GTF2F2: variants seen among roughly 807,000 people sequenced by gnomAD.
The protein encoded by GTF2F2 is ATP-dependent helicase GTF2F2.
In GTF2F2, 23 loss-of-function variants were observed where a neutral mutation model predicts 42.2. The observed-to-expected ratio is 0.55, with a 90% CI of 0.39 to 0.77. GTF2F2 has a LOEUF of 0.77. GTF2F2 is among the 30% of genes least tolerant of loss of function. GTF2F2 has a pLI of 0.00. For synonymous variants in GTF2F2, 105 were observed against 100.8 expected, an observed-to-expected ratio of 1.04 and a Z score of -0.25; for missense variants, 261 against 287.2, an observed-to-expected ratio of 0.91 and a Z score of 0.66.
rs183140327 is a variant in GTF2F2, at chr13:45,275,615, C to G, written c.631-7827C>G. ...ATGGTTTCCAGCTTCATCCATGTCC[C>G]TACAAAGGACATGAACTCATCCTTT... On this transcript the variant is annotated intron_variant, in intron 7 of 7. Coordinates refer to ENST00000340473, the MANE Select transcript of GTF2F2 (RefSeq NM_004128.3). Among the ~76,000 whole-genome samples, 334 of 152,134 alleles carry G rather than the reference C, an allele frequency of 2.2e-3. 1 individual carries two copies. Among genetic ancestry groups the G allele is most frequent in the African/African-American group, 7.8e-3 (323 of 41,496 alleles).
intron 5 of GTF2F2, among the ~76,000 whole-genome samples, chr13:45,210,428 C>T (rs1323643593): frequency 6.6e-6 from 1 of 152,118 alleles, no homozygotes; most frequent in Non-Finnish European, 1.5e-5. Context: ...TGTCTCTTCT[C>T]AAAATACCAC....
intron 4 of GTF2F2, among the ~76,000 whole-genome samples, chr13:45,178,440 T>TA (rs1335609314): frequency 2.0e-5 from 3 of 150,538 alleles, no homozygotes; most frequent in Admixed American, 2.0e-4. Flanking sequence ...TTTTTTTTTT[T>TA]AATCACAGTC....
At chr13:45,163,460 C>T (rs1474961426) in intron 4 of GTF2F2, among the ~76,000 whole-genome samples, 2 of 151,970 alleles carry the variant, frequency 1.3e-5, no homozygotes, top group South Asian at 2.1e-4. Flanking sequence ...TGCTTGAACC[C>T]AGGAGGCGGA....
intron 7 of GTF2F2, among the ~76,000 whole-genome samples, chr13:45,280,670 A>G (rs1877224761): frequency 1.3e-5 from 2 of 152,248 alleles, no homozygotes; most frequent in Admixed American, 6.5e-5. Flanking sequence ...CATATGTTCT[A>G]CTAGATTGCC....
chr13:45,167,939 A>T (rs1871376288), intron 4 of GTF2F2, among the ~76,000 whole-genome samples: 2 of 152,218 alleles, frequency 1.3e-5, no homozygotes, highest in Non-Finnish European at 2.9e-5. Flanking sequence ...AGAGGGAAAA[A>T]AAAGTACACC....
At chr13:45,203,745 A>G (rs1873307999) in intron 4 of GTF2F2, among the ~76,000 whole-genome samples, 1 of 152,220 alleles carries the variant, frequency 6.6e-6, no homozygotes, top group Non-Finnish European at 1.5e-5. Flanking sequence ...ATTACCCACT[A>G]GTATATAGTG....
At chr13:45,205,340 A>G (rs1233777768) in intron 4 of GTF2F2, among the ~76,000 whole-genome samples, 3 of 152,202 alleles carry the variant, frequency 2.0e-5, no homozygotes, top group South Asian at 4.1e-4. Flanking sequence ...CGAGAACAGC[A>G]TAGGGGGAAC....
chr13:45,163,591 A>G (rs1211209112), intron 4 of GTF2F2, among the ~76,000 whole-genome samples: 1 of 152,234 alleles, frequency 6.6e-6, no homozygotes, highest in African/African-American at 2.4e-5. Flanking sequence ...TAAGTAATTG[A>G]AACAATTGTA....
At chr13:45,163,718 T>G (rs1437253135) in intron 4 of GTF2F2, among the ~76,000 whole-genome samples, 1 of 152,226 alleles carries the variant, frequency 6.6e-6, no homozygotes, top group Non-Finnish European at 1.5e-5. Context: ...TCTCTAGTTC[T>G]TTGAGCATAA....
At chr13:45,253,019 T>C in intron 6 of GTF2F2, 49 bp downstream of exon 6, 1 of 809,986 alleles carries the variant, frequency 1.2e-6, no homozygotes, top group Non-Finnish European at 1.9e-6. Flanking sequence ...TTCATTCTTT[T>C]CTGTATCATA....
At chr13:45,221,477 C>A (rs1874113485) in intron 5 of GTF2F2, among the ~76,000 whole-genome samples, 1 of 152,100 alleles carries the variant, frequency 6.6e-6, no homozygotes, top group Non-Finnish European at 1.5e-5. Context: ...AACCAAAAAC[C>A]ATCTGTACCC....
At chr13:45,127,646 T>C (rs7982074) in intron 1 of GTF2F2, among the ~76,000 whole-genome samples, 1,815 of 152,192 alleles carry the variant, frequency 0.012, 31 homozygotes, top group African/African-American at 0.041. Flanking sequence ...TTGTTTTTTT[T>C]TGGAGACGGA....
intron 6 of GTF2F2, among the ~76,000 whole-genome samples, chr13:45,259,154 C>T (rs1259795162): frequency 6.6e-6 from 1 of 152,062 alleles, no homozygotes; most frequent in Non-Finnish European, 1.5e-5. Flanking sequence ...AGGCCGGGTG[C>T]GGTGGCTCAC....
At chr13:45,193,738 C>G (rs754320190) in intron 4 of GTF2F2, 3 of 1,518,108 alleles carry the variant, frequency 2.0e-6, no homozygotes, top group Non-Finnish European at 2.7e-6. Context: ...CTGTGGTTTT[C>G]CGAAGCTTGC....
chr13:45,250,115 C>T (rs1007722949), intron 5 of GTF2F2, among the ~76,000 whole-genome samples: 1 of 138,366 alleles, frequency 7.2e-6, no homozygotes, highest in African/African-American at 2.7e-5. Context: ...AGTGCAGTGA[C>T]ACGATGTTGG....
At chr13:45,130,171 A>T (rs1051244199) in intron 1 of GTF2F2, among the ~76,000 whole-genome samples, 1 of 152,220 alleles carries the variant, frequency 6.6e-6, no homozygotes, top group African/African-American at 2.4e-5. Flanking sequence ...GCAGCATGGC[A>T]TGGTGACTAA....
intron 4 of GTF2F2, among the ~76,000 whole-genome samples, chr13:45,190,293 A>C (rs1174431470): frequency 6.6e-6 from 1 of 152,212 alleles, no homozygotes; most frequent in African/African-American, 2.4e-5. Flanking sequence ...CTTTTCTAAA[A>C]TTCAGTTTTT....
At chr13:45,127,284 C>T (rs928000637) in intron 1 of GTF2F2, among the ~76,000 whole-genome samples, 2 of 151,646 alleles carry the variant, frequency 1.3e-5, no homozygotes, top group African/African-American at 4.9e-5. Context: ...GAGCTGCAAA[C>T]TTGTTTTTGT....
chr13:45,158,453 A>G (rs551220531), intron 4 of GTF2F2, among the ~76,000 whole-genome samples: 1 of 152,330 alleles, frequency 6.6e-6, no homozygotes, highest in East Asian at 1.9e-4. Flanking sequence ...AAACAGACTA[A>G]TACACCACTT....
Sources: gnomAD v4.1 joint callset for allele counts (sites outside exome capture counted in the v4.1 genomes callset) on GRCh38, gnomAD v4.1.1 for gene constraint, MANE v1.5 for transcripts, NCBI Gene and HGNC (gene_info 2026-07-23, HGNC 2026-07-21) for gene names.